Variants in SLC39A11 observed in about 807,000 individuals in gnomAD.
The protein encoded by SLC39A11 is zinc transporter ZIP11.
Under a neutral mutation model 36.1 loss-of-function variants are expected in SLC39A11, and 33 were observed. The observed-to-expected ratio is 0.91, with a 90% CI of 0.69 to 1.22. SLC39A11 has a LOEUF of 1.22. Ranked by LOEUF, SLC39A11 falls within the 50% of genes most tolerant of loss-of-function variation. The probability of loss-of-function intolerance (pLI) is 0.00; values close to 1 mark genes in which losing one functional copy is unlikely to be tolerated. For missense variants in SLC39A11, 432 were observed against 430.3 expected, an observed-to-expected ratio of 1.00 and a Z score of -0.03; for synonymous variants, 166 against 170.3, an observed-to-expected ratio of 0.97 and a Z score of 0.20.
intron 5 of SLC39A11, among the ~76,000 whole-genome samples, chr17:72,862,216 G>T (rs2080076902): frequency 2.0e-5 from 3 of 152,140 alleles, no homozygotes; most frequent in South Asian, 4.1e-4. Context: ...CCAGTGCAGG[G>T]AGGCTAAATT....
intron 4 of SLC39A11, among the ~76,000 whole-genome samples, chr17:72,949,148 T>G (rs2085669614): frequency 1.9e-4 from 12 of 64,368 alleles, no homozygotes; most frequent in African/African-American, 1.4e-3. Flanking sequence ...GGGCAGCTTT[T>G]TTTTTTTTTT....
chr17:72,674,000 G>A (rs1346405403), intron 7 of SLC39A11, among the ~76,000 whole-genome samples: 2 of 152,150 alleles, frequency 1.3e-5, no homozygotes, highest in Admixed American at 6.5e-5. Context: ...CCTGGGAGAA[G>A]GAGGCTGCAG....
chr17:72,897,331 C>T (rs2082085318), intron 5 of SLC39A11, among the ~76,000 whole-genome samples: 1 of 152,140 alleles, frequency 6.6e-6, no homozygotes, highest in African/African-American at 2.4e-5. Context: ...CTAATATAAC[C>T]TCATTAAAAC....
intron 4 of SLC39A11, among the ~76,000 whole-genome samples, chr17:72,990,973 A>G (rs2089135190): frequency 6.6e-6 from 1 of 152,220 alleles, no homozygotes; most frequent in Non-Finnish European, 1.5e-5. Flanking sequence ...GAGGTCATTT[A>G]GTCAATAGTT....
At chr17:72,923,513 G>A (rs959671808) in intron 5 of SLC39A11, among the ~76,000 whole-genome samples, 3 of 152,286 alleles carry the variant, frequency 2.0e-5, no homozygotes, top group African/African-American at 4.8e-5. Flanking sequence ...TTTGGAGCTG[G>A]GCAGTGAAAG....
intron 7 of SLC39A11, among the ~76,000 whole-genome samples, chr17:72,665,140 C>G (rs1405150097): frequency 6.6e-6 from 1 of 152,138 alleles, no homozygotes; most frequent in Admixed American, 6.6e-5. Flanking sequence ...TTCAAGCAGC[C>G]ATGTGGAGGT....
chr17:72,860,699 G>T (rs1250210333), intron 5 of SLC39A11, among the ~76,000 whole-genome samples: 2 of 152,136 alleles, frequency 1.3e-5, no homozygotes, highest in African/African-American at 4.8e-5. Flanking sequence ...TTTCTCTGAG[G>T]TATTGACAAG....
intron 6 of SLC39A11, among the ~76,000 whole-genome samples, chr17:72,743,665 G>A (rs541687530): frequency 3.9e-5 from 6 of 152,206 alleles, no homozygotes; most frequent in South Asian, 2.1e-4. Context: ...GGCAGGACAC[G>A]TTAGTTATGC....
intron 6 of SLC39A11, among the ~76,000 whole-genome samples, chr17:72,787,981 T>C (rs1040191560): frequency 6.6e-6 from 1 of 152,216 alleles, no homozygotes; most frequent in Non-Finnish European, 1.5e-5. Flanking sequence ...AATTCTTTCA[T>C]GAATGTCCTT....
chr17:72,921,639 A>AG (rs2083674460), intron 5 of SLC39A11, among the ~76,000 whole-genome samples: 1 of 152,250 alleles, frequency 6.6e-6, no homozygotes. Context: ...ATAAAGATCC[A>AG]TAACTTTCAC....
chr17:72,733,440 C>CATGAATGAATGA (rs368115151), intron 7 of SLC39A11, among the ~76,000 whole-genome samples: 2 of 152,034 alleles, frequency 1.3e-5, no homozygotes, highest in East Asian at 3.9e-4. Context: ...AGAACGGGTG[C>CATGAATGAATGA]ATGAATGAAT....
intron 6 of SLC39A11, among the ~76,000 whole-genome samples, chr17:72,847,958 C>T (rs1455857738): frequency 1.3e-5 from 2 of 152,144 alleles, no homozygotes; most frequent in Non-Finnish European, 1.5e-5. Flanking sequence ...AGGATGCTCC[C>T]TGGGGAAGAT....
intron 7 of SLC39A11, among the ~76,000 whole-genome samples, chr17:72,684,261 A>G (rs997653286): frequency 2.6e-5 from 4 of 152,198 alleles, no homozygotes; most frequent in East Asian, 1.9e-4. Context: ...CAGCACATTT[A>G]CAGCACCATA....
intron 7 of SLC39A11, among the ~76,000 whole-genome samples, chr17:72,661,992 A>G (rs946190577): frequency 5.3e-5 from 8 of 152,164 alleles, no homozygotes; most frequent in African/African-American, 7.2e-5. Context: ...GAAGACCTTC[A>G]CCTGCTAAGT....
chr17:72,684,615 T>A (rs999437581), intron 7 of SLC39A11, among the ~76,000 whole-genome samples: 1 of 152,156 alleles, frequency 6.6e-6, no homozygotes, highest in Non-Finnish European at 1.5e-5. Context: ...CCAAACTCTA[T>A]TTGGCAGCTG....
At chr17:72,798,095 T>C (rs1237627315) in intron 6 of SLC39A11, among the ~76,000 whole-genome samples, 4 of 151,994 alleles carry the variant, frequency 2.6e-5, no homozygotes, top group Non-Finnish European at 5.9e-5. Flanking sequence ...TGGAGATGGG[T>C]GTATCACTAG....
At chr17:72,878,981 A>G (rs1567871815) in intron 5 of SLC39A11, among the ~76,000 whole-genome samples, 1 of 152,368 alleles carries the variant, frequency 6.6e-6, no homozygotes, top group East Asian at 1.9e-4. Context: ...GGCTCACAGA[A>G]CCCAAGGAAA....
chr17:72,757,582 T>C (rs1308817423), intron 6 of SLC39A11, among the ~76,000 whole-genome samples: 12 of 151,968 alleles, frequency 7.9e-5, no homozygotes. Flanking sequence ...CCACCATTAG[T>C]GGCAGGCACT....
At chr17:72,775,059 T>C (rs1181388958) in intron 6 of SLC39A11, among the ~76,000 whole-genome samples, 1 of 151,934 alleles carries the variant, frequency 6.6e-6, no homozygotes, top group Non-Finnish European at 1.5e-5. Flanking sequence ...TTTGGAGGGC[T>C]GGCTAATATT....
Sources: gnomAD v4.1 joint callset for allele counts (sites outside exome capture counted in the v4.1 genomes callset) on GRCh38, gnomAD v4.1.1 for gene constraint, MANE v1.5 for transcripts, NCBI Gene and HGNC (gene_info 2026-07-23, HGNC 2026-07-21) for gene names.